The following PIP4K2C variants were observed in gnomAD, a reference collection of about 807,000 sequenced individuals.
PIP4K2C encodes phosphatidylinositol-5-phosphate 4-kinase type 2 gamma, also known as phosphatidylinositol 5-phosphate 4-kinase type-2 gamma.
Under a neutral mutation model 45.0 loss-of-function variants are expected in PIP4K2C, and 21 were observed. The observed-to-expected ratio is 0.47, with a 90% CI of 0.33 to 0.67. The LOEUF is 0.67. Ranked by LOEUF, PIP4K2C falls within the 30% of genes least tolerant of loss-of-function variation. PIP4K2C has a pLI of 0.02. For missense variants in PIP4K2C, 456 were observed against 542.8 expected (o/e 0.84, Z 1.59); for synonymous variants, 201 against 204.8 (o/e 0.98, Z 0.16).
At position 57,595,157 on chromosome 12, in the gene PIP4K2C, G is replaced by C; in HGVS notation, c.304G>C (p.Glu102Gln). 1 of 1,611,622 alleles carries C rather than the reference G, an allele frequency of 6.2e-7. No individual in the cohort carries two copies. The highest frequency in any genetic ancestry group is 8.5e-7 in the Non-Finnish European group (1 of 1,177,802). Residue 102 changes from glutamate to glutamine, a missense_variant, in exon 3 of 10, where the codon GAG (glutamate) becomes CAG (glutamine). Glu to Gln is a conservative substitution (Grantham distance 29). Coordinates refer to ENST00000354947, the MANE Select transcript of PIP4K2C (RefSeq NM_024779.5). The stretch of plus-strand genomic sequence containing the variant: ...TCTGCCCAGTCATTTCAAGTTCAAG[G>C]AGTATTGTCCCCAGGTCTTCAGGAA... The part of the protein sequence containing the change: ...ENLPSHFKFK[E>Q]YCPQVFRNLR...
At chr12:57,599,373 T>A in intron 5 of PIP4K2C, 27 bp from the exon 6 acceptor site, 1 of 1,614,080 alleles carries the variant, frequency 6.2e-7, no homozygotes, top group African/African-American at 1.3e-5. Flanking sequence ...CCACTTCTAC[T>A]GACTTGGTGT....
intron 9 of PIP4K2C, 28 bp downstream of exon 9, chr12:57,601,376 C>T: frequency 6.3e-7 from 1 of 1,580,752 alleles, no homozygotes. Context: ...CCTTTCCTTT[C>T]CTGTCTTGAC....
At chr12:57,592,952 G>A (rs1296900408) in intron 1 of PIP4K2C, among the ~76,000 whole-genome samples, 2 of 149,210 alleles carry the variant, frequency 1.3e-5, no homozygotes, top group Non-Finnish European at 3.0e-5. Context: ...CTTTTCTACT[G>A]AGAACGGGAG....
intron 6 of PIP4K2C, 86 bp downstream of exon 6, chr12:57,599,524 CTATA>C: frequency 7.1e-7 from 1 of 1,405,878 alleles, no homozygotes; most frequent in Non-Finnish European, 1.0e-6. Flanking sequence ...AGAGGCCACT[CTATA>C]TAGGAATAGG....
intron 4 of PIP4K2C, 32 bp from the exon 5 acceptor site, chr12:57,599,033 T>C (rs532039355): frequency 6.2e-7 from 1 of 1,608,918 alleles, no homozygotes; most frequent in South Asian, 1.1e-5. Context: ...CTACTCAGCC[T>C]CTCCCCATTC....
chr12:57,601,850 G>A lies in PIP4K2C; in HGVS notation c.*244G>A, dbSNP rs912808726. On this transcript the variant is annotated 3_prime_UTR_variant, in exon 10 of 10. Coordinates refer to ENST00000354947, the MANE Select transcript of PIP4K2C (RefSeq NM_024779.5). ...CCTCCCCATGAGAAGTCTGCTTGTA[G>A]TATTAGAATGTTATTGTTGACTCTC... The A allele has an allele frequency of 1.9e-6, 1 of 528,890 alleles. No individual in the cohort carries two copies. The highest frequency in any genetic ancestry group is 1.9e-5 in the African/African-American group (1 of 52,294). The allele number at this position is 528,890 out of a possible 1,614,324, so 32.8% of individuals were successfully genotyped here. A position where few individuals can be genotyped will look rare whatever the true frequency, so the allele number is the denominator to read the frequency against.
rs1883528750 is a variant in PIP4K2C, at chr12:57,603,326, TTC to T, written c.*1722_*1723del. ...CAGTATGGATGTCTTCATTTGTTGC[TTC>T]TGTTTTTCATCTTTTTTGTTTTATT... On this transcript the variant is annotated 3_prime_UTR_variant, in exon 10 of 10. Coordinates refer to ENST00000354947, the MANE Select transcript of PIP4K2C (RefSeq NM_024779.5). The T allele has an allele frequency of 6.5e-6, 1 of 152,682 alleles. No individual in the cohort carries two copies. 9.5% of individuals were successfully genotyped at this position (152,682 alleles called of 1,614,324 possible).
At chr12:57,592,012 T>C (rs1414544456) in intron 1 of PIP4K2C, among the ~76,000 whole-genome samples, 1 of 152,128 alleles carries the variant, frequency 6.6e-6, no homozygotes, top group East Asian at 1.9e-4. Context: ...CTTCCAGAGG[T>C]ACAGCATTTT....
Position 57,595,207 on chromosome 12 carries a change from T to C in PIP4K2C, c.354T>C (p.Asp118=). 1 of 1,604,030 alleles carries C rather than the reference T, an allele frequency of 6.2e-7. No individual in the cohort carries two copies. The highest frequency in any genetic ancestry group is 1.1e-5 in the South Asian group (1 of 90,882). Residue 118 remains aspartate (D), a synonymous_variant, in exon 3 of 10, where the codon GAT becomes GAC. Transcript: ENST00000354947. The part of the protein sequence containing the change: ...FRNLRDRFGI[D]DQDYLVSLTR... The stretch of plus-strand genomic sequence containing the variant: ...ACCTCCGTGATCGATTTGGCATTGA[T>C]GACCAAGATTACTTGGTGAGAGTCC...
At chr12:57,599,002 C>T (rs1883309449) in intron 4 of PIP4K2C, 63 bp from the exon 5 acceptor site, 3 of 1,558,196 alleles carry the variant, frequency 1.9e-6, no homozygotes, top group Admixed American at 3.4e-5. Flanking sequence ...TTTGAACTTC[C>T]CTGGGCTGTT....
chr12:57,600,331 A>C lies in PIP4K2C; in HGVS notation c.707A>C (p.Glu236Ala). The C allele has an allele frequency of 6.3e-7, 1 of 1,596,446 alleles. No individual in the cohort carries two copies. The highest frequency in any genetic ancestry group is 8.6e-7 in the Non-Finnish European group (1 of 1,165,552). Residue 236 changes from glutamate (E) to alanine (A), a missense_variant, in exon 7 of 10, where the codon GAA (glutamate) becomes GCA (alanine). Physicochemically the swap from Glu to Ala is moderately radical, Grantham distance 107 (BLOSUM62 -1). Coordinates refer to ENST00000354947, the MANE Select transcript of PIP4K2C (RefSeq NM_024779.5). Reference protein sequence around the residue: ...REASDKEKVKELPTLKDMDFL... With the variant: ...REASDKEKVKALPTLKDMDFL... ...CCCTTTACATATTCTTAGGTTAAAG[A>C]ATTGCCCACCCTTAAGGATATGGAC...
Sources: allele counts gnomAD v4.1 joint callset (sites outside exome capture counted in the v4.1 genomes callset), GRCh38; gene constraint gnomAD v4.1.1; transcripts MANE v1.5; gene names NCBI Gene and HGNC (gene_info 2026-07-23, HGNC 2026-07-21).